Variants in DBF4 observed in about 807,000 individuals in gnomAD.
The protein encoded by DBF4 is DBF4-CDC7 kinase regulatory subunit.
In DBF4, 25 loss-of-function variants were observed where a neutral mutation model predicts 76.6. The observed-to-expected ratio is 0.33, with a 90% CI of 0.24 to 0.46. DBF4 has a LOEUF of 0.46. Among genes scored for constraint, DBF4 ranks in the 20% least tolerant of loss-of-function variants. DBF4 has a pLI of 1.00. For missense variants in DBF4, 638 were observed against 760.8 expected, an observed-to-expected ratio of 0.84 and a Z score of 1.90; for synonymous variants, 213 against 258.0, an observed-to-expected ratio of 0.83 and a Z score of 1.67.
At chr7:87,893,803 A>T (rs2131060629) in intron 6 of DBF4, among the ~76,000 whole-genome samples, 1 of 152,318 alleles carries the variant, frequency 6.6e-6, no homozygotes, top group African/African-American at 2.4e-5. Flanking sequence ...ATTTATACTT[A>T]ATGTAACTAT....
intron 7 of DBF4, 52 bp from the exon 8 acceptor site, chr7:87,897,242 A>AC: frequency 1.3e-6 from 2 of 1,551,324 alleles, no homozygotes; most frequent in Non-Finnish European, 1.7e-6. Context: ...TATTAAAAAA[A>AC]AAAAAGAATC....
At chr7:87,896,722 T>G (rs1839649144) in intron 7 of DBF4, among the ~76,000 whole-genome samples, 1 of 152,210 alleles carries the variant, frequency 6.6e-6, no homozygotes, top group South Asian at 2.1e-4. Flanking sequence ...AAATCATTAG[T>G]CTACCAAGAA....
intron 6 of DBF4, among the ~76,000 whole-genome samples, chr7:87,893,492 G>A (rs920653882): frequency 2.0e-5 from 3 of 151,588 alleles, no homozygotes; most frequent in Non-Finnish European, 2.9e-5. Context: ...TGATCCACCC[G>A]CCTCGGCCTC....
chr7:87,886,961 AT>A (rs1839370581), intron 4 of DBF4, 67 bp downstream of exon 4: 7 of 1,076,668 alleles, frequency 6.5e-6, no homozygotes, highest in Non-Finnish European at 9.5e-6. Flanking sequence ...GAAATTACAG[AT>A]ATTCTTGAAA....
At chr7:87,899,821 C>G (rs1839727402) in intron 8 of DBF4, among the ~76,000 whole-genome samples, 1 of 152,058 alleles carries the variant, frequency 6.6e-6, no homozygotes, top group Non-Finnish European at 1.5e-5. Context: ...AAACTGATAA[C>G]AAGAAGTAGA....
intron 4 of DBF4, 107 bp from the exon 5 acceptor site, chr7:87,887,222 A>G: frequency 2.1e-6 from 2 of 944,480 alleles, no homozygotes; most frequent in Non-Finnish European, 3.2e-6. Context: ...GGTCTGTTAC[A>G]AATAACTGCC....
chr7:87,881,862 G>A (rs999551595), intron 2 of DBF4, among the ~76,000 whole-genome samples: 2 of 152,336 alleles, frequency 1.3e-5, no homozygotes, highest in African/African-American at 4.8e-5. Flanking sequence ...CAGAGATAAA[G>A]TTTGAGCTGG....
At chr7:87,878,268 A>G (rs1839120495) in intron 2 of DBF4, 43 bp downstream of exon 2, 1 of 1,471,080 alleles carries the variant, frequency 6.8e-7, no homozygotes, top group African/African-American at 1.4e-5. Context: ...AAAATTTGTA[A>G]CTAGTACTTT....
At chr7:87,892,584 A>C (rs1045240033) in intron 6 of DBF4, among the ~76,000 whole-genome samples, 1 of 152,194 alleles carries the variant, frequency 6.6e-6, no homozygotes, top group Non-Finnish European at 1.5e-5. Context: ...TTGTCAACTC[A>C]TTTGGGTAAA....
intron 11 of DBF4, among the ~76,000 whole-genome samples, chr7:87,905,301 C>CGGCTA (rs1389508910): frequency 4.6e-5 from 7 of 152,210 alleles, no homozygotes; most frequent in Non-Finnish European, 1.0e-4. Context: ...AATAGACTGA[C>CGGCTA]GGCTAGATTT....
chr7:87,885,394 C>T (rs1383767780), intron 3 of DBF4, among the ~76,000 whole-genome samples: 4 of 152,090 alleles, frequency 2.6e-5, no homozygotes, highest in South Asian at 2.1e-4. Flanking sequence ...TTAGGGATGG[C>T]GTGTAGTTTT....
At chr7:87,907,120 TC>T in intron 11 of DBF4, 67 bp from the exon 12 acceptor site, 1 of 1,344,232 alleles carries the variant, frequency 7.4e-7, no homozygotes, top group Non-Finnish European at 9.9e-7. Context: ...TAATTTAATT[TC>T]TAACTACTCA....
In DBF4 at chr7:87,878,120, A is replaced by G. The variant is rs766423730; in HGVS notation, c.114A>G (p.Pro38=). 6.2e-7 allele frequency: 1 copy of G among 1,612,564 alleles called. No individual in the cohort carries two copies. Among genetic ancestry groups the G allele is most frequent in the African/African-American group, 1.3e-5 (1 of 74,896 alleles). The stretch of plus-strand genomic sequence containing the variant: ...AATCTCTGAAAACTGATAACAGGCC[A>G]GAAAAATCCAAATGTAAGCCACTTT... The part of the protein sequence containing the change: ...SLKSLKTDNR[P]EKSKCKPLWG... The change falls in exon 2 of 12, where the codon CCA becomes CCG. Residue 38 remains proline (P), a synonymous_variant. Transcript: ENST00000265728.
intron 6 of DBF4, among the ~76,000 whole-genome samples, chr7:87,892,699 C>G (rs1389140291): frequency 6.6e-6 from 1 of 152,124 alleles, no homozygotes; most frequent in East Asian, 1.9e-4. Context: ...TGTATTCCCA[C>G]CAGCAATGAA....
At chr7:87,882,770 C>A (rs1389484515) in intron 2 of DBF4, among the ~76,000 whole-genome samples, 1 of 152,134 alleles carries the variant, frequency 6.6e-6, no homozygotes, top group Non-Finnish European at 1.5e-5. Flanking sequence ...CACTTAACAC[C>A]TGTTAGGATG....
At chr7:87,887,259 G>T in intron 4 of DBF4, 70 bp from the exon 5 acceptor site, 1 of 1,192,030 alleles carries the variant, frequency 8.4e-7, no homozygotes, top group South Asian at 1.4e-5. Flanking sequence ...TCAAATAATT[G>T]AATTTTTATT....
chr7:87,900,510 G>A (rs938114635), intron 9 of DBF4, among the ~76,000 whole-genome samples, 161 bp downstream of exon 9: 9 of 151,432 alleles, frequency 5.9e-5, no homozygotes, highest in Non-Finnish European at 1.3e-4. Flanking sequence ...AGATGGAGGT[G>A]GGGAGGGCCT....
At chr7:87,882,077 A>C (rs1839228752) in intron 2 of DBF4, among the ~76,000 whole-genome samples, 1 of 152,218 alleles carries the variant, frequency 6.6e-6, no homozygotes, top group Non-Finnish European at 1.5e-5. Context: ...AAGGAGTTTT[A>C]ACTATGTAAG....
chr7:87,907,645 C>A lies in DBF4; in HGVS notation c.1507C>A (p.Gln503Lys). 1 of 1,613,984 alleles carries A rather than the reference C, an allele frequency of 6.2e-7. No individual in the cohort carries two copies. The highest frequency in any genetic ancestry group is 1.1e-5 in the South Asian group (1 of 91,072). ...SDFSTDNSGSQPKQKSDTVLF... is the reference protein window; with the variant it reads ...SDFSTDNSGSKPKQKSDTVLF... The stretch of plus-strand genomic sequence containing the variant: ...TTTCAGTACAGATAATAGTGGATCT[C>A]AACCAAAACAGAAGTCAGATACTGT... Residue 503 changes from glutamine to lysine, a missense_variant, in exon 12 of 12, where the codon CAA (glutamine) becomes AAA (lysine). Gln to Lys is a moderately conservative substitution (Grantham distance 53, BLOSUM62 1). Coordinates refer to ENST00000265728, the MANE Select transcript of DBF4 (RefSeq NM_006716.4).
Sources: gnomAD v4.1 joint callset for allele counts (sites outside exome capture counted in the v4.1 genomes callset) on GRCh38, gnomAD v4.1.1 for gene constraint, MANE v1.5 for transcripts, NCBI Gene and HGNC (gene_info 2026-07-23, HGNC 2026-07-21) for gene names.